Variants in TECR observed in about 807,000 individuals in gnomAD.
TECR encodes the protein very-long-chain enoyl-CoA reductase.
Under a neutral mutation model 50.6 loss-of-function variants are expected in TECR, and 19 were observed. That is an observed-to-expected ratio of 0.38 (90% CI 0.26 to 0.55). TECR has a LOEUF of 0.55. Ranked by LOEUF, TECR falls within the 20% of genes least tolerant of loss-of-function variation. The pLI, the probability that TECR is intolerant of heterozygous loss-of-function variation, is 0.79. For synonymous variants in TECR, 168 were observed against 163.5 expected (o/e 1.03, Z -0.21); for missense variants, 313 against 408.3 (o/e 0.77, Z 2.01).
chr19:14,542,243 G>A (rs1188048299), intron 1 of TECR, among the ~76,000 whole-genome samples: 3 of 151,634 alleles, frequency 2.0e-5, no homozygotes, highest in Admixed American at 2.0e-4. Context: ...GGGATTACAG[G>A]TGTGAGACAC....
upstream of TECR, chr19:14,529,089 C>G (rs1398477643): frequency 6.4e-6 from 1 of 156,916 alleles, no homozygotes; most frequent in Non-Finnish European, 1.4e-5. Context: ...TTCGCCTTTC[C>G]TTCCCTCCCA....
chr19:14,559,670 C>T (rs1183229283), intron 1 of TECR, among the ~76,000 whole-genome samples: 1 of 151,892 alleles, frequency 6.6e-6, no homozygotes, highest in Admixed American at 6.6e-5. Flanking sequence ...GCCTGTAATC[C>T]CAGCTACTCT....
At chr19:14,557,917 G>A (rs544553682) in intron 1 of TECR, among the ~76,000 whole-genome samples, 2 of 151,722 alleles carry the variant, frequency 1.3e-5, no homozygotes, top group African/African-American at 2.4e-5. Flanking sequence ...CACCGCACCC[G>A]GCTAATTTTT....
At chr19:14,552,221 T>A (rs1388114437) in intron 1 of TECR, among the ~76,000 whole-genome samples, 4 of 148,216 alleles carry the variant, frequency 2.7e-5, no homozygotes, top group African/African-American at 7.5e-5. Flanking sequence ...CAGGCTGGAG[T>A]GCAGTGGTGC....
chr19:14,544,255 C>G (rs980290936), intron 1 of TECR, among the ~76,000 whole-genome samples: 1 of 151,936 alleles, frequency 6.6e-6, no homozygotes, highest in Non-Finnish European at 1.5e-5. Context: ...GAGTTCTCCA[C>G]ACAGCACTTG....
intron 7 of TECR, 45 bp from the exon 8 acceptor site, chr19:14,564,741 G>A (rs1448844286): frequency 6.4e-7 from 1 of 1,569,590 alleles, no homozygotes; most frequent in Non-Finnish European, 8.7e-7. Flanking sequence ...CATCTGCCTT[G>A]TCCGGTGCTG....
chr19:14,562,476 A>C (rs953217021), intron 1 of TECR, 49 bp from the exon 2 acceptor site: 1 of 1,612,476 alleles, frequency 6.2e-7, no homozygotes. Flanking sequence ...CCAGGCCCAC[A>C]CCCCCAAAGG....
At chr19:14,561,267 C>T (rs575915465) in intron 1 of TECR, among the ~76,000 whole-genome samples, 1 of 152,320 alleles carries the variant, frequency 6.6e-6, no homozygotes, top group African/African-American at 2.4e-5. Flanking sequence ...CTCAGGCAGC[C>T]TCTGGGGGCC....
At chr19:14,562,701 C>T (rs1434587614) in intron 2 of TECR, 126 bp downstream of exon 2, 2 of 1,106,520 alleles carry the variant, frequency 1.8e-6, no homozygotes, top group African/African-American at 1.5e-5. Flanking sequence ...GGGGTATGCC[C>T]TCACTTGGGG....
rs535752157 is a variant in TECR at position 14,543,645 on chromosome 19, A to T, written c.15+13934A>T. ...AGTAGAGACGGGGTTTCACCGTGTT[A>T]GCCAGGATGGTCTCGATCTCCTGAC... On this transcript the variant is annotated intron_variant, in intron 1 of 12. Coordinates refer to ENST00000215567, the MANE Select transcript of TECR (RefSeq NM_138501.6). Among the ~76,000 whole-genome samples the T allele has an allele frequency of 1.5e-3, 216 of 148,896 alleles. 5 individuals carry two copies. In the South Asian group the frequency reaches 0.044, roughly 30 times the overall value.
chr19:14,537,632 A>T (rs1268614845), intron 1 of TECR, among the ~76,000 whole-genome samples: 1 of 152,078 alleles, frequency 6.6e-6, no homozygotes, highest in Non-Finnish European at 1.5e-5. Context: ...CTTCTTGCTG[A>T]TACTGATAGT....
At chr19:14,543,125 A>G (rs2073157675) in intron 1 of TECR, among the ~76,000 whole-genome samples, 1 of 150,346 alleles carries the variant, frequency 6.7e-6, no homozygotes, top group African/African-American at 2.5e-5. Context: ...GCTTCAGGAA[A>G]CATCTGGAAA....
intron 1 of TECR, chr19:14,530,487 G>A (rs2072596118): frequency 6.6e-6 from 1 of 152,150 alleles, no homozygotes; most frequent in South Asian, 2.1e-4. Flanking sequence ...AATAAAATTT[G>A]TTATTAAAAT....
chr19:14,535,779 G>GGA (rs2072878509), intron 1 of TECR, among the ~76,000 whole-genome samples: 2 of 114,362 alleles, frequency 1.7e-5, no homozygotes, highest in Non-Finnish European at 3.9e-5. Flanking sequence ...AAAAAAAAAG[G>GGA]GAAAGTGGTG....
intron 1 of TECR, among the ~76,000 whole-genome samples, chr19:14,534,700 G>A (rs1053744099): frequency 6.6e-6 from 1 of 152,144 alleles, no homozygotes; most frequent in Non-Finnish European, 1.5e-5. Context: ...GCATCCCAAA[G>A]TGCTGGGATT....
chr19:14,543,684 C>T (rs865813900), intron 1 of TECR, among the ~76,000 whole-genome samples: 29 of 150,230 alleles, frequency 1.9e-4, no homozygotes, highest in Non-Finnish European at 3.4e-4. Context: ...GTGATCCTCC[C>T]GCCTCGGCCT....
Position 14,563,099 on chromosome 19 carries a change from C to A in TECR, c.67-107C>A. The A allele has an allele frequency of 2.1e-6, 3 of 1,432,162 alleles. No homozygotes were observed. Among genetic ancestry groups the A allele is most frequent in the Non-Finnish European group, 2.9e-6 (3 of 1,030,710 alleles). The allele number at this position is 1,432,162 out of a possible 1,614,324, so 88.7% of individuals were successfully genotyped here. A position where few individuals can be genotyped will look rare whatever the true frequency, so the allele number is the denominator to read the frequency against. On this transcript the variant is annotated intron_variant, in intron 2 of 12. Coordinates refer to ENST00000215567, the MANE Select transcript of TECR (RefSeq NM_138501.6). This position sits in a 1 kb window ranked among gnomAD's most constrained non-coding sequence, Gnocchi z 5.3. Reference sequence around the variant, plus strand: ...GCCTGGACCCCAGCCCTTCCCCCTTCCCATAGCTACAGCCCAACCCCCAGC... The same window carrying A: ...GCCTGGACCCCAGCCCTTCCCCCTTACCATAGCTACAGCCCAACCCCCAGC...
intron 1 of TECR, among the ~76,000 whole-genome samples, chr19:14,543,409 A>G (rs1428935551): frequency 1.1e-4 from 1 of 9,462 alleles, no homozygotes; most frequent in Admixed American, 1.3e-3. Context: ...ATATATATAT[A>G]TATATATATA....
intron 1 of TECR, among the ~76,000 whole-genome samples, chr19:14,538,906 G>T (rs1416680285): frequency 1.3e-5 from 2 of 151,836 alleles, no homozygotes; most frequent in Non-Finnish European, 2.9e-5. Context: ...CATATGCCCA[G>T]AAGGTGGAGG....
Sources: gnomAD v4.1 joint callset for allele counts (sites outside exome capture counted in the v4.1 genomes callset) on GRCh38, gnomAD v4.1.1 for gene constraint, Gnocchi (gnomAD v3.1) non-coding constraint, MANE v1.5 for transcripts, NCBI Gene and HGNC (gene_info 2026-07-23, HGNC 2026-07-21) for gene names.